MEIS2: variants seen among roughly 807,000 people sequenced by gnomAD.
MEIS2 encodes the protein homeobox protein Meis2.
Under a neutral mutation model 58.6 loss-of-function variants are expected in MEIS2, and 9 were observed. That is an observed-to-expected ratio of 0.15 (90% CI 0.09 to 0.27). The LOEUF is 0.27. Ranked by LOEUF, MEIS2 falls within the 10% of genes least tolerant of loss-of-function variation. The probability of loss-of-function intolerance (pLI) is 1.00; values close to 1 mark genes in which losing one functional copy is unlikely to be tolerated. For synonymous variants in MEIS2, 221 were observed against 228.4 expected (o/e 0.97, Z 0.29); for missense variants, 427 against 635.0 (o/e 0.67, Z 3.52).
At chr15:37,034,979 A>G (rs1487984323) in intron 8 of MEIS2, among the ~76,000 whole-genome samples, 1 of 152,108 alleles carries the variant, frequency 6.6e-6, no homozygotes, top group African/African-American at 2.4e-5. Context: ...CTAAGGTTCT[A>G]CTGTTCTCTG....
chr15:36,891,842 T>C lies in MEIS2; in HGVS notation c.*331A>G, dbSNP rs569875565. 6.8e-4 allele frequency: 222 copies of C among 326,928 alleles called. 5 individuals carry two copies. In the South Asian group the frequency reaches 8.9e-3, roughly 13 times the overall value. 20.3% of individuals were successfully genotyped at this position (326,928 alleles called of 1,614,324 possible). A position where few individuals can be genotyped will look rare whatever the true frequency, so the allele number is the denominator to read the frequency against. ...TGGAAAACAAGGATATATTTTTTTT[T>C]CTCTTCTAAAACTATTTGAGGCAAC... On this transcript the variant is annotated 3_prime_UTR_variant, in exon 12 of 12. Coordinates refer to ENST00000561208, the MANE Select transcript of MEIS2 (RefSeq NM_170675.5).
chr15:36,963,034 T>A (rs898763654), intron 8 of MEIS2, among the ~76,000 whole-genome samples: 37 of 152,188 alleles, frequency 2.4e-4, no homozygotes, highest in Non-Finnish European at 2.9e-5. Context: ...AGATCAAAAG[T>A]GTGGATAGAA....
Position 37,099,642 on chromosome 15 carries a change from G to T in MEIS2, c.-176C>A, listed in dbSNP as rs757351718. ...AAAAAAGCCCAGTCTAGACAACGAAGAATTTTTTTTTCTGTGATATTTCTT... is the reference window on the plus strand; with the variant it reads ...AAAAAAGCCCAGTCTAGACAACGAATAATTTTTTTTTCTGTGATATTTCTT... On this transcript the variant is annotated 5_prime_UTR_variant, in exon 1 of 12. Coordinates refer to ENST00000561208, the MANE Select transcript of MEIS2 (RefSeq NM_170675.5). 6 of 819,674 alleles carry T rather than the reference G, an allele frequency of 7.3e-6. No homozygotes were observed. Among genetic ancestry groups the T allele is most frequent in the Non-Finnish European group, 1.1e-5 (6 of 563,452 alleles). 50.8% of individuals were successfully genotyped at this position (819,674 alleles called of 1,614,324 possible). A position where few individuals can be genotyped will look rare whatever the true frequency, so the allele number is the denominator to read the frequency against.
chr15:37,082,475 T>C (rs1432631056), intron 7 of MEIS2, among the ~76,000 whole-genome samples: 1 of 152,190 alleles, frequency 6.6e-6, no homozygotes, highest in Admixed American at 6.5e-5. Flanking sequence ...TCCATCACTG[T>C]GACATGGAAC....
chr15:36,938,723 C>T (rs1353766117), intron 9 of MEIS2, among the ~76,000 whole-genome samples: 2 of 152,224 alleles, frequency 1.3e-5, no homozygotes, highest in East Asian at 3.9e-4. Context: ...GGCTTAGAAT[C>T]ATAAAATATT....
At chr15:37,099,407 C>T (rs1173644483) in intron 1 of MEIS2, 48 bp downstream of exon 1, 3 of 1,613,918 alleles carry the variant, frequency 1.9e-6, no homozygotes, top group African/African-American at 2.7e-5. Context: ...ACAGGCCCCT[C>T]TTAGGAGAGG....
intron 9 of MEIS2, among the ~76,000 whole-genome samples, chr15:36,899,657 A>G (rs988850888): frequency 3.9e-5 from 6 of 152,196 alleles, no homozygotes; most frequent in African/African-American, 9.7e-5. Context: ...CTAAGTTGAA[A>G]ATCAACTCAT....
intron 8 of MEIS2, among the ~76,000 whole-genome samples, chr15:36,989,343 C>T (rs1388197571): frequency 6.6e-6 from 1 of 152,168 alleles, no homozygotes; most frequent in Non-Finnish European, 1.5e-5. Flanking sequence ...CCTTATCATG[C>T]AAGTGACCTA....
In MEIS2 at chr15:36,946,513, A is replaced by G. The variant is rs60821094; in HGVS notation, c.977+3811T>C. ...ATGCACAGTAAGTTGTCTGCACTAA[A>G]TTTTTCCCCCTTAAACATGCCTATT... is the stretch of plus-strand genomic sequence containing the variant. On this transcript the variant is annotated intron_variant, in intron 9 of 11. Transcript: ENST00000561208. 1.1e-3 allele frequency among the ~76,000 whole-genome samples: 163 copies of G among 151,856 alleles called. 5 individuals carry two copies. In the East Asian group the frequency reaches 0.03, roughly 28 times the overall value.
chr15:36,892,426 T>C lies in MEIS2; in HGVS notation c.1181A>G (p.Gln394Arg), dbSNP rs142878520. 23 of 1,613,084 alleles carry C rather than the reference T, an allele frequency of 1.4e-5. No individual in the cohort carries two copies. The African/African-American group carries it at 2.8e-4, about 20-fold the overall frequency. ...LQSMPGDYVS[Q>R]GGPMGMSMAQ... Reference sequence around the variant, plus strand: ...CATACTCATTCCCATAGGACCACCCTGAGAAACGTAGTCCCCTGGCATGCT... The same window carrying C: ...CATACTCATTCCCATAGGACCACCCCGAGAAACGTAGTCCCCTGGCATGCT... The change falls in exon 12 of 12, where the codon CAG becomes CGG. Residue 394 changes from glutamine (Q) to arginine (R), a missense_variant. Physicochemically the swap from Gln to Arg is conservative, Grantham distance 43. Around this residue, in one of 6 missense-constraint regions of MEIS2, gnomAD observed 154 missense variants for 148.1 expected, o/e 1.04. Coordinates refer to ENST00000561208, the MANE Select transcript of MEIS2 (RefSeq NM_170675.5).
chr15:36,941,333 C>A (rs993949320), intron 9 of MEIS2, among the ~76,000 whole-genome samples: 12 of 152,156 alleles, frequency 7.9e-5, no homozygotes, highest in African/African-American at 2.7e-4. Flanking sequence ...ACTCAAGAAT[C>A]CCTGTGCATC....
At chr15:37,020,339 A>G (rs1308069297) in intron 8 of MEIS2, among the ~76,000 whole-genome samples, 1 of 152,184 alleles carries the variant, frequency 6.6e-6, no homozygotes, top group Non-Finnish European at 1.5e-5. Context: ...AAGGAAAAGA[A>G]AGAGAGGAAA....
chr15:37,034,601 G>A (rs924274858), intron 8 of MEIS2, among the ~76,000 whole-genome samples: 1 of 152,192 alleles, frequency 6.6e-6, no homozygotes, highest in Non-Finnish European at 1.5e-5. Flanking sequence ...GTGCCGCCCT[G>A]GGCAGGGAGG....
At position 36,890,343 on chromosome 15, in the gene MEIS2, C is replaced by T. The variant is rs910594621; in HGVS notation, c.*1830G>A. On this transcript the variant is annotated 3_prime_UTR_variant, in exon 12 of 12. Transcript: ENST00000561208. ...ATGGTATAGATTTCCAGGAATGTTG[C>T]ATAAAATTTTGAAAATGGCATTATA... 1.3e-5 allele frequency: 2 copies of T among 152,078 alleles called. No individual in the cohort carries two copies. The highest frequency in any genetic ancestry group is 2.9e-5 in the Non-Finnish European group (2 of 67,988). 9.4% of individuals were successfully genotyped at this position (152,078 alleles called of 1,614,324 possible).
At chr15:36,979,821 T>C (rs1310649023) in intron 8 of MEIS2, among the ~76,000 whole-genome samples, 1 of 147,620 alleles carries the variant, frequency 6.8e-6, no homozygotes, top group East Asian at 1.9e-4. Context: ...ATTAGAAATT[T>C]AGGAGATTTT....
intron 9 of MEIS2, among the ~76,000 whole-genome samples, chr15:36,948,976 G>A (rs2058666596): frequency 6.6e-6 from 1 of 151,784 alleles, no homozygotes; most frequent in Non-Finnish European, 1.5e-5. Context: ...TTCTTTTCAG[G>A]TTAGCAGTTT....
chr15:37,090,967 A>G (rs2141942269), intron 6 of MEIS2, among the ~76,000 whole-genome samples: 1 of 152,320 alleles, frequency 6.6e-6, no homozygotes, highest in East Asian at 1.9e-4. Flanking sequence ...GAAGTGGCTC[A>G]TCATCACCCC....
intron 8 of MEIS2, among the ~76,000 whole-genome samples, chr15:36,993,070 T>C (rs979995258): frequency 5.3e-5 from 8 of 152,190 alleles, no homozygotes; most frequent in Admixed American, 3.9e-4. Context: ...ACAGTCATTT[T>C]ATCTTCAAAA....
At chr15:36,921,832 G>A (rs1171460463) in intron 9 of MEIS2, among the ~76,000 whole-genome samples, 1 of 152,112 alleles carries the variant, frequency 6.6e-6, no homozygotes, top group African/African-American at 2.4e-5. Flanking sequence ...GAAGGCTCGA[G>A]GAAGAGCAGC....
Sources: allele counts gnomAD v4.1 joint callset (sites outside exome capture counted in the v4.1 genomes callset), GRCh38; gene constraint gnomAD v4.1.1; regional missense constraint gnomAD v4.1.1; transcripts MANE v1.5; gene names NCBI Gene and HGNC (gene_info 2026-07-23, HGNC 2026-07-21).